Variants in RBFOX1 observed in about 807,000 individuals in gnomAD.
RBFOX1 encodes the protein RNA binding protein fox-1 homolog 1.
RBFOX1 carries 8 observed loss-of-function variants against 57.7 expected under a neutral mutation model. The ratio of observed to expected loss-of-function variants is 0.14; its 90% CI spans 0.08 to 0.25. The LOEUF (loss-of-function observed/expected upper bound fraction) is 0.25, where lower values mean the gene tolerates loss of function less well. Ranked by LOEUF, RBFOX1 falls within the 10% of genes least tolerant of loss-of-function variation. The pLI, the probability that RBFOX1 is intolerant of heterozygous loss-of-function variation, is 1.00. For missense variants in RBFOX1, 611 were observed against 548.5 expected, an observed-to-expected ratio of 1.11 and a Z score of -1.14; for synonymous variants, 326 against 222.4, an observed-to-expected ratio of 1.47 and a Z score of -4.15.
intron 5 of RBFOX1, among the ~76,000 whole-genome samples, chr16:7,555,458 A>G (rs1311689219): frequency 6.6e-6 from 1 of 152,210 alleles, no homozygotes; most frequent in Non-Finnish European, 1.5e-5. Flanking sequence ...GGAAGCGGGG[A>G]AAAGGATATA....
intron 2 of RBFOX1, among the ~76,000 whole-genome samples, chr16:5,529,794 C>G (rs62018371): frequency 0.31 from 47,287 of 151,940 alleles, 8,708 homozygotes; most frequent in East Asian, 0.85. Flanking sequence ...TCTCGAACTC[C>G]TGACCTCAAG....
chr16:5,868,476 G>A (rs993464218), intron 4 of RBFOX1, among the ~76,000 whole-genome samples: 18 of 152,222 alleles, frequency 1.2e-4, no homozygotes, highest in African/African-American at 3.6e-4. Context: ...ACAGTCGTTA[G>A]TAGGGTAAAA....
intron 2 of RBFOX1, among the ~76,000 whole-genome samples, chr16:6,646,768 C>T (rs1043919968): frequency 2.0e-5 from 3 of 151,994 alleles, no homozygotes; most frequent in African/African-American, 7.2e-5. Flanking sequence ...GTTAATCTCC[C>T]GTTTCTGTTT....
At chr16:5,876,006 G>A (rs1376036494) in intron 4 of RBFOX1, among the ~76,000 whole-genome samples, 1 of 151,990 alleles carries the variant, frequency 6.6e-6, no homozygotes, top group Non-Finnish European at 1.5e-5. Context: ...AGCACACCCA[G>A]CTAATTTTTT....
At chr16:7,569,927 T>C (rs2092599130) in intron 5 of RBFOX1, among the ~76,000 whole-genome samples, 1 of 150,484 alleles carries the variant, frequency 6.6e-6, no homozygotes, top group Admixed American at 6.6e-5. Flanking sequence ...ATGTAAGTAC[T>C]GATACTTGAT....
chr16:6,835,356 C>G (rs191420878), intron 3 of RBFOX1, among the ~76,000 whole-genome samples: 31 of 152,256 alleles, frequency 2.0e-4, no homozygotes, highest in African/African-American at 6.7e-4. Context: ...ATATTTTACT[C>G]TGCATAATCA....
chr16:6,938,427 G>T (rs888585248), intron 3 of RBFOX1, among the ~76,000 whole-genome samples: 1 of 152,206 alleles, frequency 6.6e-6, no homozygotes, highest in East Asian at 1.9e-4. Context: ...CTGTTACACT[G>T]TTGCTGTTGT....
chr16:6,786,627 G>C (rs1040578737), intron 3 of RBFOX1, among the ~76,000 whole-genome samples: 2 of 152,154 alleles, frequency 1.3e-5, no homozygotes, highest in African/African-American at 4.8e-5. Context: ...AAGGGGATGA[G>C]GAGAATGGAT....
intron 2 of RBFOX1, among the ~76,000 whole-genome samples, chr16:6,526,152 A>G (rs1243733760): frequency 2.6e-5 from 4 of 152,228 alleles, no homozygotes; most frequent in Non-Finnish European, 5.9e-5. Flanking sequence ...TTCAATAAAC[A>G]TCCACCTCAC....
chr16:5,324,444 C>T (rs1404767552), intron 1 of RBFOX1, among the ~76,000 whole-genome samples: 2 of 152,194 alleles, frequency 1.3e-5, no homozygotes, highest in Non-Finnish European at 2.9e-5. Flanking sequence ...GCCTGGGTGA[C>T]AGAGTGAAAC....
intron 4 of RBFOX1, among the ~76,000 whole-genome samples, chr16:7,349,617 G>T (rs1453645291): frequency 3.9e-5 from 6 of 151,946 alleles, no homozygotes; most frequent in African/African-American, 1.5e-4. Context: ...TGAGGATGGC[G>T]ACATACCACA....
chr16:7,298,555 G>C (rs548340763), intron 4 of RBFOX1, among the ~76,000 whole-genome samples: 2 of 152,054 alleles, frequency 1.3e-5, no homozygotes, highest in East Asian at 1.9e-4. Flanking sequence ...GCCTCCCAAA[G>C]TGCCGGGATT....
chr16:6,180,842 A>G (rs1156686743), intron 1 of RBFOX1, among the ~76,000 whole-genome samples: 1 of 152,152 alleles, frequency 6.6e-6, no homozygotes, highest in African/African-American at 2.4e-5. Context: ...CTGGGATTAC[A>G]GGTGTGAGCC....
At chr16:5,560,252 C>T (rs2045843201) in intron 2 of RBFOX1, among the ~76,000 whole-genome samples, 1 of 152,044 alleles carries the variant, frequency 6.6e-6, no homozygotes, top group Non-Finnish European at 1.5e-5. Flanking sequence ...CTCCAGAAAG[C>T]ACTTAGTCAC....
At chr16:6,373,066 A>AGTTCATT (rs2090688643) in intron 2 of RBFOX1, among the ~76,000 whole-genome samples, 1 of 149,926 alleles carries the variant, frequency 6.7e-6, no homozygotes, top group Admixed American at 6.7e-5. Flanking sequence ...ATGGAAGGAT[A>AGTTCATT]GTTCATTGTG....
intron 1 of RBFOX1, among the ~76,000 whole-genome samples, chr16:6,291,949 A>G (rs907566060): frequency 6.7e-5 from 10 of 149,444 alleles, no homozygotes; most frequent in Non-Finnish European, 1.3e-4. Flanking sequence ...GTTGGAATGA[A>G]TGTGTGTGTG....
At chr16:5,673,001 G>C (rs1476533139) in intron 3 of RBFOX1, among the ~76,000 whole-genome samples, 2 of 151,998 alleles carry the variant, frequency 1.3e-5, no homozygotes, top group Non-Finnish European at 2.9e-5. Flanking sequence ...AACGTGCTTG[G>C]CTGCAGAGAA....
intron 3 of RBFOX1, among the ~76,000 whole-genome samples, chr16:6,772,133 A>C (rs970228452): frequency 6.6e-6 from 1 of 151,968 alleles, no homozygotes; most frequent in Admixed American, 6.6e-5. Flanking sequence ...AACTTCCCCC[A>C]AGTTTGTGGT....
At chr16:6,428,195 A>G (rs1227247018) in intron 2 of RBFOX1, among the ~76,000 whole-genome samples, 1 of 147,778 alleles carries the variant, frequency 6.8e-6, no homozygotes, top group Non-Finnish European at 1.5e-5. Flanking sequence ...CTGAGGTGGG[A>G]GGATCACTTG....
Sources: gnomAD v4.1 joint callset for allele counts (sites outside exome capture counted in the v4.1 genomes callset) on GRCh38, gnomAD v4.1.1 for gene constraint, MANE v1.5 for transcripts, NCBI Gene and HGNC (gene_info 2026-07-23, HGNC 2026-07-21) for gene names.